Variants in IGDCC3 observed in about 807,000 individuals in gnomAD.
The protein encoded by IGDCC3 is immunoglobulin superfamily DCC subclass member 3, also known as putative neuronal cell adhesion molecule.
In IGDCC3, 47 loss-of-function variants were observed where a neutral mutation model predicts 72.0. That is an observed-to-expected ratio of 0.65 (90% CI 0.52 to 0.83). IGDCC3 has a LOEUF of 0.83. Ranked by LOEUF, IGDCC3 falls within the 40% of genes least tolerant of loss-of-function variation. The pLI is 0.00. For synonymous variants in IGDCC3, 477 were observed against 472.8 expected (o/e 1.01, Z -0.11); for missense variants, 1,038 against 1,091.3 (o/e 0.95, Z 0.69).
rs71136346 is a variant in IGDCC3, at chr15:65,370,620, G to GTATATA, written c.409+4471_409+4476dup. 9.6e-3 allele frequency among the ~76,000 whole-genome samples: 906 copies of GTATATA among 94,494 alleles called. 8 individuals are homozygous for GTATATA. Among genetic ancestry groups the GTATATA allele is most frequent in the East Asian group, 0.048 (164 of 3,386 alleles). 62.0% of individuals were successfully genotyped at this position (94,494 alleles called of 152,430 possible). On this transcript the variant is annotated intron_variant, in intron 2 of 13. Transcript: ENST00000327987. The stretch of plus-strand genomic sequence containing the variant: ...TATGTATGTGTATATATATGTATGT[G>GTATATA]TATATATATATATATATATATATAT...
intron 2 of IGDCC3, among the ~76,000 whole-genome samples, chr15:65,359,853 C>T (rs948104555): frequency 1.2e-4 from 18 of 152,294 alleles, no homozygotes; most frequent in African/African-American, 3.8e-4. Flanking sequence ...AGGTAAAATG[C>T]TCCTATAGGC....
chr15:65,370,253 A>C (rs1324098685), intron 2 of IGDCC3, among the ~76,000 whole-genome samples: 11 of 152,160 alleles, frequency 7.2e-5, no homozygotes, highest in African/African-American at 2.6e-4. Context: ...ACGGTGGCTC[A>C]CACCTGTAAT....
chr15:65,342,326 G>A (rs1257741415), intron 2 of IGDCC3, among the ~76,000 whole-genome samples: 2 of 151,906 alleles, frequency 1.3e-5, no homozygotes, highest in South Asian at 2.1e-4. Context: ...GTGGAGGTTG[G>A]GGTGAGCCGA....
chr15:65,365,093 G>A (rs1489092226), intron 2 of IGDCC3, among the ~76,000 whole-genome samples: 2 of 152,110 alleles, frequency 1.3e-5, no homozygotes, highest in East Asian at 1.9e-4. Context: ...CTGGGGCTTC[G>A]GTTTCCAAGT....
At chr15:65,366,717 G>A (rs1026959719) in intron 2 of IGDCC3, among the ~76,000 whole-genome samples, 4 of 152,038 alleles carry the variant, frequency 2.6e-5, no homozygotes, top group African/African-American at 9.7e-5. Context: ...AGCCCACCCC[G>A]GCCCCTGCAT....
intron 3 of IGDCC3, 59 bp downstream of exon 3, chr15:65,335,753 C>A (rs1353892942): frequency 6.3e-6 from 10 of 1,585,920 alleles, no homozygotes; most frequent in Non-Finnish European, 6.9e-6. Flanking sequence ...TCCTTCTCTA[C>A]GGCCAGAGTC....
intron 2 of IGDCC3, among the ~76,000 whole-genome samples, chr15:65,359,716 G>A (rs2091248674): frequency 6.6e-6 from 1 of 152,152 alleles, no homozygotes; most frequent in African/African-American, 2.4e-5. Context: ...ACTGAAATAG[G>A]GGATTTAGGG....
chr15:65,342,497 G>A (rs890760192), intron 2 of IGDCC3, among the ~76,000 whole-genome samples: 5 of 152,054 alleles, frequency 3.3e-5, no homozygotes, highest in Admixed American at 1.3e-4. Context: ...CTACACTATG[G>A]GTCAGCACCA....
chr15:65,364,980 G>A (rs2091281626), intron 2 of IGDCC3, among the ~76,000 whole-genome samples: 1 of 152,222 alleles, frequency 6.6e-6, no homozygotes, highest in Non-Finnish European at 1.5e-5. Context: ...GCAGTGAAGA[G>A]TGAGGCACTG....
chr15:65,348,642 C>A (rs1321317693), intron 2 of IGDCC3, among the ~76,000 whole-genome samples: 1 of 152,124 alleles, frequency 6.6e-6, no homozygotes, highest in African/African-American at 2.4e-5. Flanking sequence ...GGGTTAAAGG[C>A]CCCTCTTAAT....
rs939349148 is a variant in IGDCC3 at position 65,329,206 on chromosome 15, A to G, written c.2206-58T>C. 1 of 1,553,624 alleles carries G rather than the reference A, an allele frequency of 6.4e-7. No homozygotes were observed. Among genetic ancestry groups the G allele is most frequent in the East Asian group, 2.3e-5 (1 of 44,208 alleles). On this transcript the variant is annotated intron_variant, in intron 13 of 13. Transcript: ENST00000327987. This position sits in a 1 kb window ranked among gnomAD's most constrained non-coding sequence, Gnocchi z 4.1. ...TTGAGGGCCAGGGCGCCAGGCTCCA[A>G]CTCACCCCACTTGGGCCTTAGGGTC... is the stretch of plus-strand genomic sequence containing the variant.
intron 2 of IGDCC3, among the ~76,000 whole-genome samples, chr15:65,342,112 C>A (rs950992331): frequency 1.3e-5 from 2 of 150,308 alleles, no homozygotes; most frequent in African/African-American, 2.4e-5. Flanking sequence ...TACAGCCAGG[C>A]GCGGTGGCTC....
chr15:65,359,254 C>T (rs977353257), intron 2 of IGDCC3, among the ~76,000 whole-genome samples: 7 of 151,910 alleles, frequency 4.6e-5, no homozygotes, highest in Non-Finnish European at 1.0e-4. Flanking sequence ...CTTTTTTTCC[C>T]CCATTTCCAC....
intron 2 of IGDCC3, among the ~76,000 whole-genome samples, chr15:65,346,028 T>C (rs1438784065): frequency 6.6e-6 from 1 of 152,196 alleles, no homozygotes; most frequent in Non-Finnish European, 1.5e-5. Flanking sequence ...GCACACAACA[T>C]GCTAGACCCT....
intron 2 of IGDCC3, among the ~76,000 whole-genome samples, chr15:65,372,117 T>C (rs1443653474): frequency 6.6e-6 from 1 of 152,166 alleles, no homozygotes; most frequent in Non-Finnish European, 1.5e-5. Flanking sequence ...TTAAAGGCCA[T>C]GTCAGTGAAA....
chr15:65,334,935 C>T (rs962673329), intron 4 of IGDCC3, 70 bp from the exon 5 acceptor site: 29 of 1,513,650 alleles, frequency 1.9e-5, no homozygotes, highest in Non-Finnish European at 2.6e-5. Flanking sequence ...CACCCACAGC[C>T]CAGGACACAG....
rs2091364724 is a variant in IGDCC3, at chr15:65,377,306, G to T, written c.103+380C>A. Among the ~76,000 whole-genome samples the T allele has an allele frequency of 1.3e-5, 2 of 152,146 alleles. No individual in the cohort carries two copies. Among genetic ancestry groups the T allele is most frequent in the Non-Finnish European group, 2.9e-5 (2 of 68,022 alleles). ...CTTGGCTGCCTCGGGCTATGTCCACGGCCGGGCACCCAGCACCCCAGCTCG... is the reference window on the plus strand; with the variant it reads ...CTTGGCTGCCTCGGGCTATGTCCACTGCCGGGCACCCAGCACCCCAGCTCG... On this transcript the variant is annotated intron_variant, in intron 1 of 13. Coordinates refer to ENST00000327987, the MANE Select transcript of IGDCC3 (RefSeq NM_004884.4). The surrounding 1 kb of genome is among the most constrained non-coding windows in gnomAD (Gnocchi z 4.9).
intron 2 of IGDCC3, among the ~76,000 whole-genome samples, chr15:65,368,907 C>T: frequency 6.6e-6 from 1 of 152,174 alleles, no homozygotes; most frequent in African/African-American, 2.4e-5. Context: ...GACAGAGAGA[C>T]AGCTTTGTCC....
intron 7 of IGDCC3, 66 bp from the exon 8 acceptor site, chr15:65,331,725 A>G (rs560767423): frequency 6.7e-7 from 1 of 1,495,968 alleles, no homozygotes; most frequent in East Asian, 2.3e-5. Context: ...TCCCCATTTG[A>G]AAGATGGAGA....
Sources: gnomAD v4.1 joint callset for allele counts (sites outside exome capture counted in the v4.1 genomes callset) on GRCh38, gnomAD v4.1.1 for gene constraint, Gnocchi (gnomAD v3.1) non-coding constraint, MANE v1.5 for transcripts, NCBI Gene and HGNC (gene_info 2026-07-23, HGNC 2026-07-21) for gene names.